Variants in DMXL2 observed in about 807,000 individuals in gnomAD.
DMXL2 encodes Dmx like 2.
Under a neutral mutation model 331.1 loss-of-function variants are expected in DMXL2, and 103 were observed. That is an observed-to-expected ratio of 0.31 (90% CI 0.27 to 0.37). The LOEUF (loss-of-function observed/expected upper bound fraction) is 0.37, where lower values mean the gene tolerates loss of function less well. Among genes scored for constraint, DMXL2 ranks in the 10% least tolerant of loss-of-function variants. DMXL2 has a pLI of 1.00. For synonymous variants in DMXL2, 1,281 were observed against 1,252.1 expected (o/e 1.02, Z -0.49); for missense variants, 3,171 against 3,642.9 (o/e 0.87, Z 3.33).
intron 41 of DMXL2, 63 bp from the exon 42 acceptor site, chr15:51,451,760 A>G: frequency 7.1e-7 from 1 of 1,404,492 alleles, no homozygotes; most frequent in Admixed American, 1.7e-5. Context: ...GTCATCAGGG[A>G]CAACCTGTCT....
At chr15:51,467,845 G>A (rs1373491366) in intron 29 of DMXL2, among the ~76,000 whole-genome samples, 1 of 151,704 alleles carries the variant, frequency 6.6e-6, no homozygotes, top group Non-Finnish European at 1.5e-5. Flanking sequence ...TCCTGCCTCA[G>A]CCTCCCGAGT....
At chr15:51,455,081 T>C in intron 40 of DMXL2, 70 bp downstream of exon 40, 2 of 1,249,944 alleles carry the variant, frequency 1.6e-6, no homozygotes, top group Non-Finnish European at 2.4e-6. Flanking sequence ...TGAGATTCAC[T>C]GTCTGAAACA....
At chr15:51,534,570 G>T (rs1032536826) in intron 13 of DMXL2, among the ~76,000 whole-genome samples, 2 of 152,158 alleles carry the variant, frequency 1.3e-5, no homozygotes, top group South Asian at 4.1e-4. Context: ...AAGCAGAGGG[G>T]AATAAAGCAT....
rs2054739494 is a variant in DMXL2 at position 51,622,701 on chromosome 15, T to G, written c.-156A>C. On this transcript the variant is annotated 5_prime_UTR_variant, in exon 1 of 44. Transcript: ENST00000560891. ...CTCCTCGCCCCCCTTTCGCCTTCCC[T>G]CCGCCTCGTCCCTGCCATGGGAGCT... 1 of 1,369,846 alleles carries G rather than the reference T, an allele frequency of 7.3e-7. No individual in the cohort carries two copies. 84.9% of individuals were successfully genotyped at this position (1,369,846 alleles called of 1,614,324 possible). A position where few individuals can be genotyped will look rare whatever the true frequency, so the allele number is the denominator to read the frequency against.
chr15:51,450,026 C>T lies in DMXL2; in HGVS notation c.8967+103G>A. ...ATATGCAGTATCTCCATGCAGTAGC[C>T]CAAGTGAAATAAAGTGAAGCTTTAT... On this transcript the variant is annotated intron_variant, in intron 43 of 43. Coordinates refer to ENST00000560891, the MANE Select transcript of DMXL2 (RefSeq NM_001378457.1). 4.7e-6 allele frequency: 5 copies of T among 1,063,700 alleles called. No individual in the cohort carries two copies. The South Asian group carries it at 6.2e-5, about 13-fold the overall frequency. 65.9% of individuals were successfully genotyped at this position (1,063,700 alleles called of 1,614,324 possible).
rs1247439469 is a variant in DMXL2, at chr15:51,448,712, C to T, written c.*272G>A. On this transcript the variant is annotated 3_prime_UTR_variant, in exon 44 of 44. Transcript: ENST00000560891. ...TTTCAAGTTACTAATTTGCTAATCT[C>T]AAATGTTTTCTGAATCAGGTTTGCT... is the stretch of plus-strand genomic sequence containing the variant. 2 of 419,708 alleles carry T rather than the reference C, an allele frequency of 4.8e-6. No homozygotes were observed. The highest frequency in any genetic ancestry group is 8.6e-6 in the Non-Finnish European group (2 of 232,156). The allele number at this position is 419,708 out of a possible 1,614,324, so 26.0% of individuals were successfully genotyped here.
In DMXL2 at chr15:51,488,246, A is replaced by C. The variant is rs531633117; in HGVS notation, c.5052-127T>G. 52 of 925,794 alleles carry C rather than the reference A, an allele frequency of 5.6e-5. No homozygotes were observed. In the Middle Eastern group the frequency reaches 1.8e-3, roughly 31 times the overall value. The allele number at this position is 925,794 out of a possible 1,614,324, so 57.3% of individuals were successfully genotyped here. A position where few individuals can be genotyped will look rare whatever the true frequency, so the allele number is the denominator to read the frequency against. On this transcript the variant is annotated intron_variant, in intron 21 of 43. Transcript: ENST00000560891. Reference sequence around the variant, plus strand: ...AAGAACAATAACTTCAAGGACAGGCATTTGTTATCAAGCATCTCTTCACTT... The same window carrying C: ...AAGAACAATAACTTCAAGGACAGGCCTTTGTTATCAAGCATCTCTTCACTT...
chr15:51,513,852 G>T (rs1049532368), intron 15 of DMXL2, among the ~76,000 whole-genome samples: 5 of 152,016 alleles, frequency 3.3e-5, no homozygotes, highest in African/African-American at 1.2e-4. Context: ...TTAAATAAAA[G>T]TTTAACGTCT....
intron 17 of DMXL2, among the ~76,000 whole-genome samples, chr15:51,502,306 T>TGTGTGTGTGTGTGTGTGTGTGTGTG (rs2043701330): frequency 7.1e-6 from 1 of 140,558 alleles, no homozygotes; most frequent in African/African-American, 2.7e-5. Context: ...TTTTGTGGGT[T>TGTGTGTGTGTGTGTGTGTGTGTGTG]TGTGTGTGTG....
At chr15:51,593,249 G>A (rs149605042) in intron 1 of DMXL2, among the ~76,000 whole-genome samples, 72,874 of 151,888 alleles carry the variant, frequency 0.48, 17,831 homozygotes, top group Non-Finnish European at 0.52. Flanking sequence ...AACAAAAAAA[G>A]GCAGGGGTTG....
intron 20 of DMXL2, among the ~76,000 whole-genome samples, chr15:51,490,266 G>A (rs1416660869): frequency 6.6e-6 from 1 of 152,144 alleles, no homozygotes; most frequent in Non-Finnish European, 1.5e-5. Context: ...AGAATCATGG[G>A]ATGCTGATTA....
At chr15:51,530,204 C>T (rs2140831035) in intron 13 of DMXL2, among the ~76,000 whole-genome samples, 1 of 152,186 alleles carries the variant, frequency 6.6e-6, no homozygotes, top group Non-Finnish European at 1.5e-5. Flanking sequence ...CACTGTTATT[C>T]AACGTAGTAC....
chr15:51,609,371 A>C (rs997712926), intron 1 of DMXL2, among the ~76,000 whole-genome samples: 1 of 152,242 alleles, frequency 6.6e-6, no homozygotes, highest in South Asian at 2.1e-4. Flanking sequence ...TAAAAATCCA[A>C]CTATGTTTTA....
rs564302138 is a variant in DMXL2 at position 51,461,738 on chromosome 15, A to G, written c.7926+1641T>C. On this transcript the variant is annotated intron_variant, in intron 33 of 43. Coordinates refer to ENST00000560891, the MANE Select transcript of DMXL2 (RefSeq NM_001378457.1). ...GATAATTGTTTTGTATCTTTTGTAG[A>G]GACGGGGTTTCACCATGTTGCCAAG... Among the ~76,000 whole-genome samples the G allele has an allele frequency of 2.3e-4, 35 of 152,322 alleles. No homozygotes were observed. The East Asian group carries it at 6.8e-3, about 29-fold the overall frequency.
chr15:51,500,272 A>G, intron 17 of DMXL2, 41 bp from the exon 18 acceptor site: 1 of 1,516,184 alleles, frequency 6.6e-7, no homozygotes, highest in Admixed American at 2.2e-5. Context: ...TAATAATAAT[A>G]AAGCCACAAA....
Position 51,491,438 on chromosome 15 carries a change from T to C in DMXL2, c.4953+140A>G, listed in dbSNP as rs2042790166. ...CCTAGGCGACAAGAGCGAAATTCCA[T>C]CTCCAAAAAAAAAAAAATTCTCAAG... On this transcript the variant is annotated intron_variant, in intron 20 of 43. Coordinates refer to ENST00000560891, the MANE Select transcript of DMXL2 (RefSeq NM_001378457.1). The C allele has an allele frequency of 6.8e-6, 5 of 739,380 alleles. 1 individual carries two copies. In the South Asian group the frequency reaches 9.6e-5, roughly 14 times the overall value. The allele number at this position is 739,380 out of a possible 1,614,324, so 45.8% of individuals were successfully genotyped here.
At chr15:51,557,266 C>T (rs2049658523) in intron 6 of DMXL2, among the ~76,000 whole-genome samples, 1 of 152,078 alleles carries the variant, frequency 6.6e-6, no homozygotes, top group Non-Finnish European at 1.5e-5. Context: ...TAAAAATTTA[C>T]ATGATGATTC....
At chr15:51,551,832 A>AT (rs1226564215) in intron 6 of DMXL2, among the ~76,000 whole-genome samples, 1 of 152,250 alleles carries the variant, frequency 6.6e-6, no homozygotes, top group Non-Finnish European at 1.5e-5. Context: ...GGAAGGCAAC[A>AT]TTAAGTAAGG....
At chr15:51,512,575 C>T (rs2046819589) in intron 15 of DMXL2, among the ~76,000 whole-genome samples, 1 of 152,132 alleles carries the variant, frequency 6.6e-6, no homozygotes, top group Admixed American at 6.5e-5. Flanking sequence ...CTTTGGGAGT[C>T]AAGGTGAGCT....
Sources: allele counts gnomAD v4.1 joint callset (sites outside exome capture counted in the v4.1 genomes callset), GRCh38; gene constraint gnomAD v4.1.1; transcripts MANE v1.5; gene names NCBI Gene and HGNC (gene_info 2026-07-23, HGNC 2026-07-21).